The following PGM3 variants were observed in gnomAD, a reference collection of about 807,000 sequenced individuals.
PGM3 encodes phosphoacetylglucosamine mutase.
A neutral mutation model predicts 66.2 loss-of-function variants in PGM3; 40 were observed. The observed-to-expected ratio is 0.60, with a 90% CI of 0.47 to 0.79. The LOEUF (loss-of-function observed/expected upper bound fraction) is 0.79, where lower values mean the gene tolerates loss of function less well. Ranked by LOEUF, PGM3 falls within the 30% of genes least tolerant of loss-of-function variation. PGM3 has a pLI of 0.00. For synonymous variants in PGM3, 191 were observed against 224.2 expected (o/e 0.85, Z 1.32); for missense variants, 537 against 643.4 (o/e 0.83, Z 1.79).
At chr6:83,176,742 T>C (rs1787802517) in intron 8 of PGM3, among the ~76,000 whole-genome samples, 2 of 152,184 alleles carry the variant, frequency 1.3e-5, no homozygotes, top group Non-Finnish European at 2.9e-5. Context: ...TTAGATTGGA[T>C]GTAGGAGACC....
intron 8 of PGM3, among the ~76,000 whole-genome samples, chr6:83,177,384 C>T (rs946820499): frequency 1.3e-5 from 2 of 152,020 alleles, no homozygotes; most frequent in African/African-American, 4.8e-5. Flanking sequence ...AGGGTGGTCA[C>T]CTGGTGGACA....
chr6:83,189,608 G>C (rs1191665539), intron 2 of PGM3, among the ~76,000 whole-genome samples: 1 of 152,124 alleles, frequency 6.6e-6, no homozygotes, highest in Non-Finnish European at 1.5e-5. Flanking sequence ...TGCTGATTTA[G>C]CTACAAAGGC....
chr6:83,188,564 A>G, intron 3 of PGM3, 50 bp downstream of exon 3: 3 of 1,365,520 alleles, frequency 2.2e-6, no homozygotes, highest in East Asian at 2.3e-5. Flanking sequence ...ACAATCGTTT[A>G]TATCACGTTC....
chr6:83,151,661 T>TA, the PGM3 span: 1 of 1,602,734 alleles, frequency 6.2e-7, no homozygotes, highest in Non-Finnish European at 8.5e-7. Flanking sequence ...GACCTTCAGG[T>TA]AAGGCAGTCT....
At chr6:83,169,945 C>CA in intron 12 of PGM3, 1 of 382,924 alleles carries the variant, frequency 2.6e-6, no homozygotes, top group South Asian at 2.1e-5. Context: ...AAATGAACTA[C>CA]AAAGCTGGTT....
chr6:83,193,708 T>A (rs1048805071), upstream of PGM3: 1 of 152,516 alleles, frequency 6.6e-6, no homozygotes, highest in Admixed American at 6.6e-5. Context: ...GTCGAGGTCA[T>A]CTCCCAAACC....
chr6:83,161,565 A>G (rs894869694), downstream of PGM3, among the ~76,000 whole-genome samples: 1 of 152,206 alleles, frequency 6.6e-6, no homozygotes, highest in Non-Finnish European at 1.5e-5. Context: ...TGAGCCAATG[A>G]GCAAGACAGT....
chr6:83,192,402 G>C (rs193008700), intron 1 of PGM3, among the ~76,000 whole-genome samples: 1 of 152,272 alleles, frequency 6.6e-6, no homozygotes, highest in East Asian at 1.9e-4. Flanking sequence ...CATTTCCTGG[G>C]TCAATTAATT....
At chr6:83,188,468 T>C (rs541489219) in intron 3 of PGM3, 146 bp downstream of exon 3, 10 of 627,272 alleles carry the variant, frequency 1.6e-5, no homozygotes, top group Admixed American at 1.4e-4. Context: ...AGCTACTACA[T>C]CCTACTAGAA....
rs527844578 is a variant in PGM3 at position 83,165,945 on chromosome 6, A to C, written c.*3289T>G. ...TAGTGGATCAGACTGGCAGCAAACCACCAAACAATGACCATGACCATTTTT... is the reference window on the plus strand; with the variant it reads ...TAGTGGATCAGACTGGCAGCAAACCCCCAAACAATGACCATGACCATTTTT... On this transcript the variant is annotated 3_prime_UTR_variant, in exon 13 of 13. Transcript: ENST00000513973. 1 of 368,228 alleles carries C rather than the reference A, an allele frequency of 2.7e-6. No individual in the cohort carries two copies. The highest frequency in any genetic ancestry group is 2.1e-5 in the African/African-American group (1 of 47,704). The allele number at this position is 368,228 out of a possible 1,614,324, so 22.8% of individuals were successfully genotyped here.
Position 83,165,986 on chromosome 6 carries a change from T to C in PGM3, c.*3248A>G. 1 of 329,148 alleles carries C rather than the reference T, an allele frequency of 3.0e-6. No homozygotes were observed. The highest frequency in any genetic ancestry group is 5.9e-6 in the Non-Finnish European group (1 of 169,652). The allele number at this position is 329,148 out of a possible 1,614,324, so 20.4% of individuals were successfully genotyped here. On this transcript the variant is annotated 3_prime_UTR_variant, in exon 13 of 13. Transcript: ENST00000513973. ...GACCATTTTTTGGAGCAAGTTTGGC[T>C]TTGGGAAGTGCTTTGGAGCTTCTTT...
intron 8 of PGM3, among the ~76,000 whole-genome samples, chr6:83,177,121 A>G (rs535932344): frequency 2.0e-5 from 3 of 152,224 alleles, no homozygotes; most frequent in Non-Finnish European, 4.4e-5. Flanking sequence ...CAGCTGGCAC[A>G]TACTGACCTG....
rs973644674 is a variant in PGM3, at chr6:83,193,254, C to T, written c.-78G>A. On this transcript the variant is annotated 5_prime_UTR_variant, in exon 1 of 13. Transcript: ENST00000513973. ...AACAACGTCTGCACCCAAACCCAGTCCTCAGAACCGCAGACGTGGCCCTGC... is the reference window on the plus strand; with the variant it reads ...AACAACGTCTGCACCCAAACCCAGTTCTCAGAACCGCAGACGTGGCCCTGC... 8.5e-5 allele frequency: 13 copies of T among 152,402 alleles called. No homozygotes were observed. The highest frequency in any genetic ancestry group is 5.9e-4 in the Admixed American group (9 of 15,292). 9.4% of individuals were successfully genotyped at this position (152,402 alleles called of 1,614,324 possible). A position where few individuals can be genotyped will look rare whatever the true frequency, so the allele number is the denominator to read the frequency against.
At position 83,167,987 on chromosome 6, in the gene PGM3, C is replaced by G. The variant is rs1020026001; in HGVS notation, c.*1247G>C. ...CGTTCTTCAATGTGCTCAGTCAAGT[C>G]TTCAACAGCAAAGTCACAAGCCGAT... On this transcript the variant is annotated 3_prime_UTR_variant, in exon 13 of 13. Transcript: ENST00000513973. 1.2e-6 allele frequency: 2 copies of G among 1,614,072 alleles called. No individual in the cohort carries two copies. Among genetic ancestry groups the G allele is most frequent in the Non-Finnish European group, 1.7e-6 (2 of 1,180,036 alleles).
chr6:83,193,348 C>G (rs1479712242), upstream of PGM3: 1 of 152,328 alleles, frequency 6.6e-6, no homozygotes, highest in Non-Finnish European at 1.5e-5. Context: ...GCCCCGCCCC[C>G]GCCTCGCCGC....
the PGM3 span, chr6:83,153,832 A>G: frequency 2.6e-6 from 4 of 1,510,032 alleles, no homozygotes; most frequent in African/African-American, 1.4e-5. Context: ...ACATTTATGT[A>G]TAACTTGATA....
chr6:83,154,770 T>C, the PGM3 span, among the ~76,000 whole-genome samples: 3 of 152,170 alleles, frequency 2.0e-5, no homozygotes, highest in Admixed American at 1.3e-4. Flanking sequence ...TTTTATAGTT[T>C]AGGATTCCAT....
chr6:83,179,832 A>T lies in PGM3; in HGVS notation c.923T>A (p.Phe308Tyr). Residue 308 changes from phenylalanine (F) to tyrosine (Y), a missense_variant, in exon 7 of 13, where the codon TTC (phenylalanine) becomes TAC (tyrosine). Coordinates refer to ENST00000513973, the MANE Select transcript of PGM3 (RefSeq NM_015599.3). ...GDKIATLISS[F>Y]LKELLVEIGE... ...TACCTCCACCAGGAGCTCTTTAAGG[A>T]AACTGCTAATTAACGTTGCTATCTT... 1 of 1,612,520 alleles carries T rather than the reference A, an allele frequency of 6.2e-7. No homozygotes were observed. Among genetic ancestry groups the T allele is most frequent in the East Asian group, 2.2e-5 (1 of 44,800 alleles).
At position 83,179,755 on chromosome 6, in the gene PGM3, G is replaced by A. The variant is rs183634169; in HGVS notation, c.945+55C>T. The stretch of plus-strand genomic sequence containing the variant: ...TTCTGACAAATGATTGTAAAATATG[G>A]AACTATTTCACTACTAAGTCTTGTT... On this transcript the variant is annotated intron_variant, in intron 7 of 12. Transcript: ENST00000513973. 59 of 1,321,430 alleles carry A rather than the reference G, an allele frequency of 4.5e-5. No homozygotes were observed. The African/African-American group carries it at 6.5e-4, about 15-fold the overall frequency. 81.9% of individuals were successfully genotyped at this position (1,321,430 alleles called of 1,614,324 possible). A position where few individuals can be genotyped will look rare whatever the true frequency, so the allele number is the denominator to read the frequency against.
Sources: gnomAD v4.1 joint callset for allele counts (sites outside exome capture counted in the v4.1 genomes callset) on GRCh38, gnomAD v4.1.1 for gene constraint, MANE v1.5 for transcripts, NCBI Gene and HGNC (gene_info 2026-07-23, HGNC 2026-07-21) for gene names.